Variants in SALL4 observed in about 807,000 individuals in gnomAD.
SALL4 encodes sal-like protein 4.
Under a neutral mutation model 60.8 loss-of-function variants are expected in SALL4, and 4 were observed. That is an observed-to-expected ratio of 0.07 (90% CI 0.03 to 0.15). The LOEUF is 0.15. SALL4 is among the 10% of genes least tolerant of loss of function. The pLI is 1.00. For synonymous variants in SALL4, 580 were observed against 574.9 expected, an observed-to-expected ratio of 1.01 and a Z score of -0.13; for missense variants, 1,178 against 1,394.7, an observed-to-expected ratio of 0.84 and a Z score of 2.48.
chr20:51,791,486 C>A lies in SALL4; in HGVS notation c.997G>T (p.Ala333Ser), dbSNP rs749112930. The A allele has an allele frequency of 1.2e-6, 2 of 1,613,950 alleles. No individual in the cohort carries two copies. The highest frequency in any genetic ancestry group is 2.7e-5 in the African/African-American group (2 of 74,912). Residue 333 changes from alanine to serine, a missense_variant, in exon 2 of 4, where the codon GCT becomes TCT. Ala to Ser is a moderately conservative substitution (Grantham distance 99, BLOSUM62 1). Transcript: ENST00000217086. This position sits in a 1 kb window ranked among gnomAD's most constrained non-coding sequence, Gnocchi z 4.6. ...GAGCCCGGGGCCTGAGGAAGCAAAG[C>A]GCTCGGGAGGCGGGACATGACGTTC... The part of the protein sequence containing the change: ...LPNVMSRLPS[A>S]LLPQAPGSVL...
At position 51,790,184 on chromosome 20, in the gene SALL4, T is replaced by C. The variant is rs1394224428; in HGVS notation, c.2299A>G (p.Met767Val). 8 of 1,614,032 alleles carry C rather than the reference T, an allele frequency of 5.0e-6. No homozygotes were observed. Among genetic ancestry groups the C allele is most frequent in the Non-Finnish European group, 6.8e-6 (8 of 1,180,038 alleles). Residue 767 changes from methionine to valine, a missense_variant, in exon 2 of 4, where the codon ATG becomes GTG. By Grantham distance (21) the Met-to-Val change is conservative. Coordinates refer to ENST00000217086, the MANE Select transcript of SALL4 (RefSeq NM_020436.5). The surrounding 1 kb of genome is among the most constrained non-coding windows in gnomAD (Gnocchi z 5.5). ...DGLTNDSSSL[M>V]GDQEYQSRSP... ...CGGCTCTGATACTCCTGGTCTCCCA[T>C]CAGCGAGGATGAGTCGTTGGTCAAG...
At chr20:51,785,968 C>G (rs1343984583) in intron 3 of SALL4, among the ~76,000 whole-genome samples, 1 of 150,418 alleles carries the variant, frequency 6.6e-6, no homozygotes, top group African/African-American at 2.5e-5. Flanking sequence ...ATCTGTCACC[C>G]AGGCTACAGT....
At chr20:51,792,764 G>C in intron 1 of SALL4, 1 of 1,105,384 alleles carries the variant, frequency 9.0e-7, no homozygotes, top group Non-Finnish European at 1.1e-6. Context: ...CTTACTTTAG[G>C]GTTAGTGCCA....
chr20:51,789,257 G>C (rs2078016925), intron 2 of SALL4, 116 bp from the exon 3 acceptor site: 1 of 1,162,746 alleles, frequency 8.6e-7, no homozygotes. Flanking sequence ...TCTGGAGCTG[G>C]CTTTGTAAGT....
rs1243051548 is a variant in SALL4 at position 51,782,622 on chromosome 20, T to TTGGC, written c.*1639_*1642dup. On this transcript the variant is annotated 3_prime_UTR_variant, in exon 4 of 4. Transcript: ENST00000217086. ...GGTGCAACGATGAAGAGACAACACT[T>TTGGC]TGGCTAATCGTCTTGGATGCATATT... 1.3e-5 allele frequency: 2 copies of TTGGC among 151,368 alleles called. No homozygotes were observed. The highest frequency in any genetic ancestry group is 4.9e-5 in the African/African-American group (2 of 41,064). 9.4% of individuals were successfully genotyped at this position (151,368 alleles called of 1,614,324 possible).
At chr20:51,799,757 T>A (rs2078098949) in intron 1 of SALL4, among the ~76,000 whole-genome samples, 1 of 152,186 alleles carries the variant, frequency 6.6e-6, no homozygotes, top group African/African-American at 2.4e-5. Context: ...AAAGGGCATT[T>A]GAAACTCTTT....
intron 1 of SALL4, among the ~76,000 whole-genome samples, chr20:51,802,016 G>A (rs1184953021): frequency 2.0e-5 from 3 of 151,786 alleles, no homozygotes; most frequent in South Asian, 2.1e-4. Context: ...ACAGAGGAGC[G>A]AGTGGGGGTC....
chr20:51,791,787 G>T lies in SALL4; in HGVS notation c.696C>A (p.Thr232=). 6.2e-7 allele frequency: 1 copy of T among 1,614,092 alleles called. No individual in the cohort carries two copies. The highest frequency in any genetic ancestry group is 1.1e-5 in the South Asian group (1 of 91,090). Residue 232 remains threonine (T), a synonymous_variant, in exon 2 of 4, where the codon ACC becomes ACA. Coordinates refer to ENST00000217086, the MANE Select transcript of SALL4 (RefSeq NM_020436.5). This position sits in a 1 kb window ranked among gnomAD's most constrained non-coding sequence, Gnocchi z 4.6. ...TGTTCACCTGGATGCGGATCTGCTCGGTGAGCTGGATCTGCTGTAGCTGCT... is the reference window on the plus strand; with the variant it reads ...TGTTCACCTGGATGCGGATCTGCTCTGTGAGCTGGATCTGCTGTAGCTGCT... ...QQQQLQQIQL[T]EQIRIQVNMW...
In SALL4 at chr20:51,788,547, C is replaced by T. The variant is rs11697868; in HGVS notation, c.2742+314G>A. ...CTACTAAAAATACAAAAAAATTAGC[C>T]GGCCATGGTGGCGGACGCCTGTAGT... On this transcript the variant is annotated intron_variant, in intron 3 of 3. Coordinates refer to ENST00000217086, the MANE Select transcript of SALL4 (RefSeq NM_020436.5). The surrounding 1 kb of genome is among the most constrained non-coding windows in gnomAD (Gnocchi z 4.1). Among the ~76,000 whole-genome samples the T allele has an allele frequency of 0.018, 2,754 of 152,106 alleles. 31 individuals carry two copies. The highest frequency in any genetic ancestry group is 0.03 in the Non-Finnish European group (2,064 of 67,988).
At position 51,791,148 on chromosome 20, in the gene SALL4, G is replaced by A; in HGVS notation, c.1335C>T (p.Phe445=). The change falls in exon 2 of 4, where the codon TTC becomes TTT. Residue 445 remains phenylalanine (F), a synonymous_variant. Coordinates refer to ENST00000217086, the MANE Select transcript of SALL4 (RefSeq NM_020436.5). The surrounding 1 kb of genome is among the most constrained non-coding windows in gnomAD (Gnocchi z 4.6). The part of the protein sequence containing the change: ...VKANPQLFAE[F]QDKVAAGNGI... ...CATTGCCGGCCGCCACTTTGTCCTG[G>A]AACTCGGCAAACAGCTGGGGGTTTG... is the stretch of plus-strand genomic sequence containing the variant. The A allele has an allele frequency of 1.9e-6, 3 of 1,614,138 alleles. No homozygotes were observed. Among genetic ancestry groups the A allele is most frequent in the Non-Finnish European group, 2.5e-6 (3 of 1,180,020 alleles).
At position 51,784,837 on chromosome 20, in the gene SALL4, G is replaced by C. The variant is rs59164203; in HGVS notation, c.2743-153C>G. Among the ~76,000 whole-genome samples the C allele has an allele frequency of 0.32, 49,175 of 152,062 alleles. 8,369 individuals carry two copies. Among genetic ancestry groups the C allele is most frequent in the East Asian group, 0.58 (3,014 of 5,160 alleles). On this transcript the variant is annotated intron_variant, in intron 3 of 3. Coordinates refer to ENST00000217086, the MANE Select transcript of SALL4 (RefSeq NM_020436.5). ...CAGCGGGGTTATGCCCAGATAAACT[G>C]ATTGAAAGTAGAAAATATTCTTAGT...
intron 3 of SALL4, among the ~76,000 whole-genome samples, chr20:51,786,586 T>A (rs2077994373): frequency 6.6e-6 from 1 of 152,164 alleles, no homozygotes; most frequent in South Asian, 2.1e-4. Context: ...AACTGTAGAG[T>A]GCACAACATG....
chr20:51,795,336 G>A (rs1383760137), intron 1 of SALL4, among the ~76,000 whole-genome samples: 2 of 152,142 alleles, frequency 1.3e-5, no homozygotes, highest in Non-Finnish European at 2.9e-5. Flanking sequence ...GAACCCGGGA[G>A]GCAGAGGTTG....
In SALL4 at chr20:51,790,325, G is replaced by A; in HGVS notation, c.2158C>T (p.Pro720Ser). ...GCCATCATGGCAAACCCTAGCGTGG[G>A]TGATGCCGAGTGGATGCTGGGAAGA... is the stretch of plus-strand genomic sequence containing the variant. ...TPLPSIHSAS[P>S]TLGFAMMASL... Residue 720 changes from proline to serine, a missense_variant, in exon 2 of 4, where the codon CCC becomes TCC. By Grantham distance (74) the Pro-to-Ser change is moderately conservative. Around this residue, in one of 5 missense-constraint regions of SALL4, gnomAD observed 853 missense variants for 1,036.8 expected, o/e 0.82. Coordinates refer to ENST00000217086, the MANE Select transcript of SALL4 (RefSeq NM_020436.5). This position sits in a 1 kb window ranked among gnomAD's most constrained non-coding sequence, Gnocchi z 5.5. The A allele has an allele frequency of 2.5e-6, 4 of 1,614,170 alleles. No individual in the cohort carries two copies. Among genetic ancestry groups the A allele is most frequent in the Non-Finnish European group, 3.4e-6 (4 of 1,180,036 alleles).
rs772996868 is a variant in SALL4 at position 51,791,263 on chromosome 20, T to A, written c.1220A>T (p.Glu407Val). 1.9e-6 allele frequency: 3 copies of A among 1,613,938 alleles called. No homozygotes were observed. Among genetic ancestry groups the A allele is most frequent in the Middle Eastern group, 1.7e-4 (1 of 6,058 alleles). The change falls in exon 2 of 4, where the codon GAG becomes GTG. Residue 407 changes from glutamate to valine, a missense_variant. This residue lies in a region of SALL4 where 853 missense variants were observed against 1,036.8 expected (regional missense o/e 0.82). Coordinates refer to ENST00000217086, the MANE Select transcript of SALL4 (RefSeq NM_020436.5). This position sits in a 1 kb window ranked among gnomAD's most constrained non-coding sequence, Gnocchi z 4.6. ...LQIHLRSHTGERPFVCSVCGH... is the reference protein window; with the variant it reads ...LQIHLRSHTGVRPFVCSVCGH... Reference sequence around the variant, plus strand: ...ACAGACAGAGCACACGAAGGGTCTCTCTCCAGTGTGGGAGCGGAGGTGGAT... The same window carrying A: ...ACAGACAGAGCACACGAAGGGTCTCACTCCAGTGTGGGAGCGGAGGTGGAT...
rs141708963 is a variant in SALL4 at position 51,790,317 on chromosome 20, T to C, written c.2166A>G (p.Leu722=). The C allele has an allele frequency of 1.7e-4, 280 of 1,614,130 alleles. No individual in the cohort carries two copies. In the African/African-American group the frequency reaches 3.4e-3, roughly 20 times the overall value. The part of the protein sequence containing the change: ...LPSIHSASPT[L]GFAMMASLDA... ...CTAAGGAAGCCATCATGGCAAACCC[T>C]AGCGTGGGTGATGCCGAGTGGATGC... is the stretch of plus-strand genomic sequence containing the variant. Residue 722 remains leucine, a synonymous_variant, in exon 2 of 4, where the codon CTA becomes CTG. Coordinates refer to ENST00000217086, the MANE Select transcript of SALL4 (RefSeq NM_020436.5). The surrounding 1 kb of genome is among the most constrained non-coding windows in gnomAD (Gnocchi z 5.5).
chr20:51,802,288 C>A lies in SALL4; in HGVS notation c.121G>T (p.Gly41Trp). 6.2e-7 allele frequency: 1 copy of A among 1,604,684 alleles called. No individual in the cohort carries two copies. The highest frequency in any genetic ancestry group is 1.1e-5 in the South Asian group (1 of 90,254). Residue 41 changes from glycine (G) to tryptophan (W), a missense_variant, in exon 1 of 4, where the codon GGG becomes TGG. Gly to Trp is a radical substitution (Grantham distance 184). Around this residue, in one of 5 missense-constraint regions of SALL4, gnomAD observed 108 missense variants for 95.7 expected, o/e 1.13. Transcript: ENST00000217086. ...ADAAPAAPAA[G>W]ELGAPVNHPG... ...CCCCAGCCCCACTCACCCAGCTCCC[C>A]CGCCGCGGGCGCCGCTGGGGCCGCA...
At chr20:51,789,373 A>G (rs1172220280) in intron 2 of SALL4, among the ~76,000 whole-genome samples, 2 of 152,112 alleles carry the variant, frequency 1.3e-5, no homozygotes, top group Non-Finnish European at 2.9e-5. Context: ...GGCATGGGCA[A>G]CATATAAACA....
chr20:51,790,515 C>T lies in SALL4; in HGVS notation c.1968G>A (p.Thr656=), dbSNP rs371853419. Residue 656 remains threonine, a synonymous_variant, in exon 2 of 4, where the codon ACG becomes ACA. Coordinates refer to ENST00000217086, the MANE Select transcript of SALL4 (RefSeq NM_020436.5). The surrounding 1 kb of genome is among the most constrained non-coding windows in gnomAD (Gnocchi z 5.5). The stretch of plus-strand genomic sequence containing the variant: ...AGTCACAGGGATTCTCTGGCAGGGG[C>T]GTGTTGGGAATCTGACCGCCCATGT... The part of the protein sequence containing the change: ...RMHMGGQIPN[T]PLPENPCDFT... 106 of 1,614,070 alleles carry T rather than the reference C, an allele frequency of 6.6e-5. 1 individual carries two copies. Among genetic ancestry groups the T allele is most frequent in the South Asian group, 5.6e-4 (51 of 91,086 alleles).
Sources: gnomAD v4.1 joint callset for allele counts (sites outside exome capture counted in the v4.1 genomes callset) on GRCh38, gnomAD v4.1.1 for gene constraint, gnomAD v4.1.1 regional missense constraint, Gnocchi (gnomAD v3.1) non-coding constraint, MANE v1.5 for transcripts, NCBI Gene and HGNC (gene_info 2026-07-23, HGNC 2026-07-21) for gene names.